Variants in EYS observed in about 807,000 individuals in gnomAD.
EYS encodes protein eyes shut homolog.
A neutral mutation model predicts 282.1 loss-of-function variants in EYS; 250 were observed. The ratio of observed to expected loss-of-function variants is 0.89; its 90% CI spans 0.80 to 0.98. The LOEUF is 0.98. EYS is among the 50% of genes least tolerant of loss of function. EYS has a pLI of 0.00. For synonymous variants in EYS, 1,355 were observed against 1,282.9 expected (o/e 1.06, Z -1.20); for missense variants, 4,016 against 3,709.0 (o/e 1.08, Z -2.15).
At chr6:65,168,988 A>AGGG in intron 12 of EYS, among the ~76,000 whole-genome samples, 1 of 151,508 alleles carries the variant, frequency 6.6e-6, no homozygotes, top group African/African-American at 2.4e-5. Flanking sequence ...AAGACATATC[A>AGGG]AAACAATTGT....
At chr6:64,998,083 T>C (rs1044667098) in intron 13 of EYS, among the ~76,000 whole-genome samples, 1 of 152,198 alleles carries the variant, frequency 6.6e-6, no homozygotes, top group Non-Finnish European at 1.5e-5. Context: ...TTAGGTTTAA[T>C]AAACAAGACC....
intron 31 of EYS, among the ~76,000 whole-genome samples, chr6:64,176,724 G>C (rs1258903411): frequency 1.3e-5 from 2 of 152,032 alleles, no homozygotes; most frequent in African/African-American, 2.4e-5. Flanking sequence ...TTTTTCTTAA[G>C]GAAATATCTC....
chr6:64,853,155 C>T (rs1233176252), intron 19 of EYS, among the ~76,000 whole-genome samples: 2 of 151,986 alleles, frequency 1.3e-5, no homozygotes, highest in African/African-American at 4.8e-5. Context: ...TAAATAACAA[C>T]ATATTATAAG....
At position 64,589,922 on chromosome 6, in the gene EYS, TTA is replaced by T. The variant is rs1766346907; in HGVS notation, c.5644+299_5644+300del. 2.6e-5 allele frequency among the ~76,000 whole-genome samples: 4 copies of T among 152,068 alleles called. No homozygotes were observed. The East Asian group carries it at 7.7e-4, about 29-fold the overall frequency. On this transcript the variant is annotated intron_variant, in intron 26 of 42. Transcript: ENST00000503581. ...TTTCAAGAAATGAGAATAATAAAAGTTATTTCTAAACTTTGAGAGATCTGTCA... is the reference window on the plus strand; with the variant it reads ...TTTCAAGAAATGAGAATAATAAAAGTTTTCTAAACTTTGAGAGATCTGTCA...
intron 5 of EYS, among the ~76,000 whole-genome samples, chr6:65,450,109 A>G (rs901536945): frequency 1.3e-5 from 2 of 152,138 alleles, no homozygotes; most frequent in African/African-American, 4.8e-5. Flanking sequence ...TGCATGTCTA[A>G]TTCTGACATT....
chr6:64,535,206 A>T (rs1193650345), intron 26 of EYS, among the ~76,000 whole-genome samples: 1 of 152,188 alleles, frequency 6.6e-6, no homozygotes, highest in East Asian at 1.9e-4. Flanking sequence ...ACCGATATTG[A>T]ACAAAAATTC....
chr6:64,681,407 GAAT>G (rs1404806957), intron 22 of EYS, among the ~76,000 whole-genome samples: 1 of 152,084 alleles, frequency 6.6e-6, no homozygotes, highest in African/African-American at 2.4e-5. Context: ...ATAACTGAAA[GAAT>G]AACTAAAAGA....
chr6:63,847,526 G>A (rs1456394340), intron 36 of EYS, among the ~76,000 whole-genome samples: 2 of 152,076 alleles, frequency 1.3e-5, no homozygotes, highest in East Asian at 3.9e-4. Context: ...CAGTGGTAAA[G>A]TCACTAATAA....
intron 1 of EYS, among the ~76,000 whole-genome samples, chr6:65,658,867 A>G (rs1012079889): frequency 1.3e-5 from 2 of 151,680 alleles, no homozygotes; most frequent in Admixed American, 1.3e-4. Flanking sequence ...AAAGGAAAGA[A>G]TACATTGTAT....
intron 30 of EYS, among the ~76,000 whole-genome samples, chr6:64,273,252 T>G (rs1767998715): frequency 6.6e-5 from 10 of 152,192 alleles, no homozygotes; most frequent in Admixed American, 6.5e-4. Context: ...TTATTGAATG[T>G]CTTTAGTATT....
chr6:65,338,830 CA>C (rs1770090246), intron 10 of EYS, among the ~76,000 whole-genome samples: 1 of 151,010 alleles, frequency 6.6e-6, no homozygotes, highest in South Asian at 2.1e-4. Flanking sequence ...ATTATTACCC[CA>C]AAGTCACTTC....
At chr6:63,729,794 A>G (rs1031979453) in intron 41 of EYS, among the ~76,000 whole-genome samples, 1 of 152,066 alleles carries the variant, frequency 6.6e-6, no homozygotes, top group Non-Finnish European at 1.5e-5. Context: ...TATAAATTTT[A>G]TAATTCCTCA....
chr6:64,225,890 A>G (rs1260754677), intron 31 of EYS, among the ~76,000 whole-genome samples: 2 of 152,126 alleles, frequency 1.3e-5, no homozygotes, highest in South Asian at 2.1e-4. Context: ...CTTGACTTCA[A>G]TTCCCATTTA....
At position 65,129,553 on chromosome 6, in the gene EYS, TA is replaced by T. The variant is rs376609555; in HGVS notation, c.2024-71827del. 1.0e-3 allele frequency among the ~76,000 whole-genome samples: 152 copies of T among 151,222 alleles called. 1 individual carries two copies. The East Asian group carries it at 0.019, about 18-fold the overall frequency. Reference sequence around the variant, plus strand: ...AAGACAGACTAGTAGCCAACAAACATAAAAAAAATGCTCATAATCACTAATC... The same window carrying T: ...AAGACAGACTAGTAGCCAACAAACATAAAAAAATGCTCATAATCACTAATC... On this transcript the variant is annotated intron_variant, in intron 12 of 42. Coordinates refer to ENST00000503581, the MANE Select transcript of EYS (RefSeq NM_001142800.2).
At position 64,813,528 on chromosome 6, in the gene EYS, G is replaced by A. The variant is rs561156283; in HGVS notation, c.3293C>T (p.Ala1098Val). 5.2e-6 allele frequency: 8 copies of A among 1,550,276 alleles called. No homozygotes were observed. Among genetic ancestry groups the A allele is most frequent in the Non-Finnish European group, 7.0e-6 (8 of 1,146,046 alleles). ...CMNEGFCQKS[A>V]HGFTCICPRG... Reference sequence around the variant, plus strand: ...TGGGCAAATGCAAGTAAATCCATGTGCTGACTTCTGACAGAAGCCTTCATT... The same window carrying A: ...TGGGCAAATGCAAGTAAATCCATGTACTGACTTCTGACAGAAGCCTTCATT... The change falls in exon 22 of 43, where the codon GCA becomes GTA. Residue 1098 changes from alanine to valine, a missense_variant. Physicochemically the swap from Ala to Val is moderately conservative, Grantham distance 64 (BLOSUM62 0). Coordinates refer to ENST00000503581, the MANE Select transcript of EYS (RefSeq NM_001142800.2).
rs151319447 is a variant in EYS, at chr6:63,980,265, A to AGTGT, written c.7055+4114_7055+4117dup. The stretch of plus-strand genomic sequence containing the variant: ...GGAGGTACAGATTAGAATGCTCAAG[A>AGTGT]GTGTGTGTGTGTGTGTGTTGAAAAA... On this transcript the variant is annotated intron_variant, in intron 35 of 42. Transcript: ENST00000503581. Among the ~76,000 whole-genome samples the AGTGT allele has an allele frequency of 6.0e-4, 90 of 150,324 alleles. 1 individual carries two copies. In the East Asian group the frequency reaches 0.015, roughly 25 times the overall value.
intron 11 of EYS, among the ~76,000 whole-genome samples, chr6:65,311,065 AT>A (rs911080073): frequency 1.9e-4 from 29 of 151,742 alleles, no homozygotes; most frequent in African/African-American, 6.5e-4. Flanking sequence ...ATAAAATATT[AT>A]TTTTTGAGGA....
chr6:65,463,228 T>C (rs1489112970), intron 5 of EYS, among the ~76,000 whole-genome samples: 1 of 152,122 alleles, frequency 6.6e-6, no homozygotes, highest in Non-Finnish European at 1.5e-5. Context: ...TACCACTCTT[T>C]AAATTGCACC....
chr6:64,224,848 G>A (rs899888240), intron 31 of EYS, among the ~76,000 whole-genome samples: 6 of 151,394 alleles, frequency 4.0e-5, no homozygotes, highest in Non-Finnish European at 8.8e-5. Context: ...TTTTTTTTGT[G>A]TTGAAATAAA....
Sources: allele counts gnomAD v4.1 joint callset (sites outside exome capture counted in the v4.1 genomes callset), GRCh38; gene constraint gnomAD v4.1.1; transcripts MANE v1.5; gene names NCBI Gene and HGNC (gene_info 2026-07-23, HGNC 2026-07-21).